Variants in NR6A1 observed in about 807,000 individuals in gnomAD.
NR6A1 encodes retinoic acid receptor-related testis-associated receptor.
A neutral mutation model predicts 59.1 loss-of-function variants in NR6A1; 7 were observed. The observed-to-expected ratio is 0.12, with a 90% CI of 0.07 to 0.22. NR6A1 has a LOEUF of 0.22. NR6A1 is among the 10% of genes least tolerant of loss of function. NR6A1 has a pLI of 1.00. For missense variants in NR6A1, 468 were observed against 611.6 expected (o/e 0.77, Z 2.48); for synonymous variants, 243 against 236.1 (o/e 1.03, Z -0.27).
Position 124,598,148 on chromosome 9 carries a change from C to A in NR6A1, c.143-43578G>T, listed in dbSNP as rs113773059. 8.4e-3 allele frequency among the ~76,000 whole-genome samples: 1,282 copies of A among 152,250 alleles called. 18 individuals carry two copies. Among genetic ancestry groups the A allele is most frequent in the African/African-American group, 0.029 (1,223 of 41,530 alleles). ...ACAGGCATGAGCAACCACACCCGGCCTAAACACTAATTTTTAACTACGCCT... is the reference window on the plus strand; with the variant it reads ...ACAGGCATGAGCAACCACACCCGGCATAAACACTAATTTTTAACTACGCCT... On this transcript the variant is annotated intron_variant, in intron 2 of 9. Transcript: ENST00000487099.
At position 124,744,636 on chromosome 9, in the gene NR6A1, T is replaced by C. The variant is rs150067508; in HGVS notation, c.101-11287A>G. Among the ~76,000 whole-genome samples the C allele has an allele frequency of 1.1e-4, 16 of 152,324 alleles. No homozygotes were observed. The East Asian group carries it at 2.9e-3, about 28-fold the overall frequency. On this transcript the variant is annotated intron_variant, in intron 1 of 9. Coordinates refer to ENST00000487099, the MANE Select transcript of NR6A1 (RefSeq NM_033334.4). ...AACGTCCAAGAAGAATACCACACCT[T>C]ACTTGAGCCCATTTACAAGTCACCT...
chr9:124,518,757 G>A lies in NR6A1; in HGVS notation c.*3948C>T, dbSNP rs1424758583. 7.1e-6 allele frequency: 1 copy of A among 140,048 alleles called. No individual in the cohort carries two copies. Among genetic ancestry groups the A allele is most frequent in the Non-Finnish European group, 1.6e-5 (1 of 64,012 alleles). 8.7% of individuals were successfully genotyped at this position (140,048 alleles called of 1,614,324 possible). A position where few individuals can be genotyped will look rare whatever the true frequency, so the allele number is the denominator to read the frequency against. On this transcript the variant is annotated 3_prime_UTR_variant, in exon 10 of 10. Coordinates refer to ENST00000487099, the MANE Select transcript of NR6A1 (RefSeq NM_033334.4). ...TTGTTAAATTTTGTTTGTTTTTTGG[G>A]TTTTTTTTTTTTTTACTTTAAAAAA...
intron 2 of NR6A1, among the ~76,000 whole-genome samples, chr9:124,703,377 G>GA (rs1379721994): frequency 1.4e-5 from 2 of 145,574 alleles, no homozygotes; most frequent in Non-Finnish European, 3.0e-5. Flanking sequence ...CATGTCCAGG[G>GA]TTTTTTTTTT....
chr9:124,764,116 T>C (rs1471486483), intron 1 of NR6A1, among the ~76,000 whole-genome samples: 1 of 150,034 alleles, frequency 6.7e-6, no homozygotes, highest in Non-Finnish European at 1.5e-5. Flanking sequence ...CCCAGGAAGC[T>C]GAGGTTGCAG....
intron 3 of NR6A1, among the ~76,000 whole-genome samples, chr9:124,552,917 CTGAGTA>C (rs1422897315): frequency 6.6e-6 from 1 of 152,126 alleles, no homozygotes; most frequent in African/African-American, 2.4e-5. Context: ...TAAAACCAGT[CTGAGTA>C]TATCTGGATG....
intron 2 of NR6A1, among the ~76,000 whole-genome samples, chr9:124,685,101 A>G (rs1221465825): frequency 6.6e-6 from 1 of 152,228 alleles, no homozygotes; most frequent in East Asian, 1.9e-4. Flanking sequence ...GTGACTTAGA[A>G]TCTTCATTTC....
intron 2 of NR6A1, among the ~76,000 whole-genome samples, chr9:124,577,020 C>T (rs2131447183): frequency 6.6e-6 from 1 of 152,308 alleles, no homozygotes; most frequent in South Asian, 2.1e-4. Flanking sequence ...TGCATCACCA[C>T]ATTCCAGCCT....
chr9:124,676,681 G>T (rs1436319359), intron 2 of NR6A1, among the ~76,000 whole-genome samples: 1 of 152,146 alleles, frequency 6.6e-6, no homozygotes, highest in Non-Finnish European at 1.5e-5. Flanking sequence ...TGGCAATAAA[G>T]AATCAGTTTA....
intron 1 of NR6A1, among the ~76,000 whole-genome samples, chr9:124,761,815 G>GT (rs1220067103): frequency 1.3e-5 from 2 of 152,186 alleles, no homozygotes; most frequent in Non-Finnish European, 2.9e-5. Flanking sequence ...TTCCACAAAT[G>GT]TAAGTCTACC....
chr9:124,670,053 T>C (rs535798307), intron 2 of NR6A1, among the ~76,000 whole-genome samples: 1 of 152,080 alleles, frequency 6.6e-6, no homozygotes, highest in East Asian at 1.9e-4. Context: ...ATACCATTTT[T>C]CCCCCTACCC....
intron 2 of NR6A1, among the ~76,000 whole-genome samples, chr9:124,709,688 CT>C (rs1181026803): frequency 2.0e-5 from 3 of 152,146 alleles, no homozygotes; most frequent in African/African-American, 4.8e-5. Flanking sequence ...AATCTCAGCA[CT>C]TTGGGAGGCC....
intron 2 of NR6A1, among the ~76,000 whole-genome samples, chr9:124,712,859 T>C (rs578070447): frequency 1.3e-5 from 2 of 152,296 alleles, no homozygotes; most frequent in East Asian, 3.9e-4. Flanking sequence ...AGAATTGGTA[T>C]GAAAACATAA....
chr9:124,746,574 C>T (rs1294975748), intron 1 of NR6A1, among the ~76,000 whole-genome samples: 2 of 151,514 alleles, frequency 1.3e-5, no homozygotes, highest in African/African-American at 2.4e-5. Flanking sequence ...GGCAACAGAG[C>T]GAGACTCCGT....
intron 2 of NR6A1, among the ~76,000 whole-genome samples, chr9:124,718,840 G>A (rs1424677483): frequency 8.0e-6 from 1 of 124,404 alleles, no homozygotes; most frequent in African/African-American, 3.1e-5. Flanking sequence ...TTAAAGACAG[G>A]GTCTCGTTCT....
At chr9:124,598,041 G>A (rs1835327871) in intron 2 of NR6A1, among the ~76,000 whole-genome samples, 2 of 152,106 alleles carry the variant, frequency 1.3e-5, no homozygotes, top group African/African-American at 2.4e-5. Flanking sequence ...GGGTAGAGAT[G>A]GGAGTCTATG....
chr9:124,543,771 C>T (rs769395972), intron 4 of NR6A1, 31 bp downstream of exon 4: 17 of 1,586,988 alleles, frequency 1.1e-5, no homozygotes, highest in South Asian at 9.1e-5. Flanking sequence ...GCTTCCAGGA[C>T]GGACCACAGA....
At chr9:124,617,586 T>G (rs776846806) in intron 2 of NR6A1, among the ~76,000 whole-genome samples, 52 of 152,126 alleles carry the variant, frequency 3.4e-4, no homozygotes, top group Non-Finnish European at 7.6e-4. Flanking sequence ...ATAGAAAGCT[T>G]TATGAGTGGC....
intron 2 of NR6A1, among the ~76,000 whole-genome samples, chr9:124,636,968 T>C (rs1836626797): frequency 6.6e-6 from 1 of 152,332 alleles, no homozygotes; most frequent in East Asian, 1.9e-4. Context: ...AGGGTCACTT[T>C]CCTCTAGAAT....
chr9:124,590,061 CAAAAAAAAAAAAA>C (rs71372976), intron 2 of NR6A1, among the ~76,000 whole-genome samples: 15 of 30,868 alleles, frequency 4.9e-4, no homozygotes, highest in East Asian at 8.5e-4. Flanking sequence ...AAGACTCTGT[CAAAAAAAAAAAAA>C]AAAAAAAAAA....
Sources: gnomAD v4.1 joint callset for allele counts (sites outside exome capture counted in the v4.1 genomes callset) on GRCh38, gnomAD v4.1.1 for gene constraint, MANE v1.5 for transcripts, NCBI Gene and HGNC (gene_info 2026-07-23, HGNC 2026-07-21) for gene names.